NRXN2: variants seen among roughly 807,000 people sequenced by gnomAD.
NRXN2 encodes neurexin 2, also known as neurexin-2-beta.
NRXN2 carries 29 observed loss-of-function variants against 128.8 expected under a neutral mutation model. The observed-to-expected ratio is 0.23, with a 90% confidence interval of 0.17 to 0.31. The LOEUF (loss-of-function observed/expected upper bound fraction) is 0.31, where lower values mean the gene tolerates loss of function less well. Among genes scored for constraint, NRXN2 ranks in the 10% least tolerant of loss-of-function variants. The probability of loss-of-function intolerance (pLI) is 1.00; values close to 1 mark genes in which losing one functional copy is unlikely to be tolerated. For missense variants in NRXN2, 1,881 were observed against 2,452.6 expected (o/e 0.77, Z 4.92); for synonymous variants, 1,098 against 1,075.2 (o/e 1.02, Z -0.41).
At chr11:64,649,080 T>A (rs1377584696) in intron 15 of NRXN2, among the ~76,000 whole-genome samples, 173 bp from the exon 16 acceptor site, 1 of 152,014 alleles carries the variant, frequency 6.6e-6, no homozygotes, top group Non-Finnish European at 1.5e-5. Flanking sequence ...CCCAACACAC[T>A]TCTTCCTTCT....
chr11:64,607,164 G>C lies in NRXN2; in HGVS notation c.*32C>G. ...CCTCCTCCCGGGCCCTCCCAGGAGG[G>C]GCAGCTGGCAGTGGGGCGCAGTGCC... On this transcript the variant is annotated 3_prime_UTR_variant, in exon 23 of 23. Coordinates refer to ENST00000265459, the MANE Select transcript of NRXN2 (RefSeq NM_015080.4). 1 of 1,604,326 alleles carries C rather than the reference G, an allele frequency of 6.2e-7. No homozygotes were observed. The highest frequency in any genetic ancestry group is 8.5e-7 in the Non-Finnish European group (1 of 1,173,814).
chr11:64,674,845 C>T (rs1206934768), intron 7 of NRXN2, among the ~76,000 whole-genome samples: 2 of 152,212 alleles, frequency 1.3e-5, no homozygotes, highest in Non-Finnish European at 2.9e-5. Flanking sequence ...GTTTTCACTT[C>T]TATTACTCTA....
At position 64,685,684 on chromosome 11, in the gene NRXN2, C is replaced by T. The variant is rs756471307; in HGVS notation, c.1114G>A (p.Ala372Thr). The T allele has an allele frequency of 1.2e-5, 19 of 1,614,106 alleles. No homozygotes were observed. Among genetic ancestry groups the T allele is most frequent in the East Asian group, 4.5e-5 (2 of 44,886 alleles). ...EPVNGKFNDN[A>T]WHDVRVTRNL... ...CGGGTGACCCGGACGTCGTGCCAGGCGTTGTCGTTGAACTTGCCATTGACG... is the reference window on the plus strand; with the variant it reads ...CGGGTGACCCGGACGTCGTGCCAGGTGTTGTCGTTGAACTTGCCATTGACG... Residue 372 changes from alanine to threonine, a missense_variant, in exon 6 of 23, where the codon GCC becomes ACC. Physicochemically the swap from Ala to Thr is moderately conservative, Grantham distance 58. Transcript: ENST00000265459.
chr11:64,607,663 G>A lies in NRXN2; in HGVS notation c.4672C>T (p.Pro1558Ser). 4 of 1,527,428 alleles carry A rather than the reference G, an allele frequency of 2.6e-6. No homozygotes were observed. Among genetic ancestry groups the A allele is most frequent in the Non-Finnish European group, 3.5e-6 (4 of 1,134,610 alleles). The allele number at this position is 1,527,428 out of a possible 1,614,324, so 94.6% of individuals were successfully genotyped here. A position where few individuals can be genotyped will look rare whatever the true frequency, so the allele number is the denominator to read the frequency against. ...TTCATTTTGCCCGCCGGCAGGTTGG[G>A]GGCCGGGGCGGAGGGGGCAAACAGC... ...GVLFAPSAPA[P>S]NLPAGKMNHR... is the part of the protein sequence containing the mutation. The change falls in exon 23 of 23, where the codon CCC becomes TCC. Residue 1558 changes from proline to serine, a missense_variant. Physicochemically the swap from Pro to Ser is moderately conservative, Grantham distance 74 (BLOSUM62 -1). Transcript: ENST00000265459.
At chr11:64,647,520 C>G (rs1162883502) in intron 17 of NRXN2, among the ~76,000 whole-genome samples, 3 of 152,164 alleles carry the variant, frequency 2.0e-5, no homozygotes, top group Non-Finnish European at 4.4e-5. Context: ...ACCCTGCCCT[C>G]TCTGGGGAGG....
At position 64,632,467 on chromosome 11, in the gene NRXN2, C is replaced by A. The variant is rs1335420497; in HGVS notation, c.3586-1894G>T. 6.6e-6 allele frequency among the ~76,000 whole-genome samples: 1 copy of A among 152,218 alleles called. No individual in the cohort carries two copies. Among genetic ancestry groups the A allele is most frequent in the Non-Finnish European group, 1.5e-5 (1 of 68,038 alleles). ...TCTGCTCCCCACACACGGGAAGGAACAGTCGATCCTCCTCGGTACTATTGT... is the reference window on the plus strand; with the variant it reads ...TCTGCTCCCCACACACGGGAAGGAAAAGTCGATCCTCCTCGGTACTATTGT... On this transcript the variant is annotated intron_variant, in intron 18 of 22. Coordinates refer to ENST00000265459, the MANE Select transcript of NRXN2 (RefSeq NM_015080.4). This position sits in a 1 kb window ranked among gnomAD's most constrained non-coding sequence, Gnocchi z 4.2.
intron 7 of NRXN2, 188 bp downstream of exon 7, chr11:64,676,805 A>G: frequency 1.6e-6 from 1 of 625,890 alleles, no homozygotes; most frequent in Non-Finnish European, 2.9e-6. Flanking sequence ...GGACCAAAAA[A>G]GAAAGAAAAG....
At chr11:64,620,906 G>A (rs1292601221) in intron 21 of NRXN2, among the ~76,000 whole-genome samples, 4 of 151,406 alleles carry the variant, frequency 2.6e-5, no homozygotes, top group South Asian at 2.1e-4. Flanking sequence ...TTGCCATGAC[G>A]ACAAGAGAAG....
Position 64,648,096 on chromosome 11 carries a change from T to G in NRXN2, c.3403+123A>C. The stretch of plus-strand genomic sequence containing the variant: ...CCCCTGGGACTCTGCAGACAAGGGA[T>G]GAGAAGGAAGAAGCAGCACAGCTCC... On this transcript the variant is annotated intron_variant, in intron 17 of 22. Coordinates refer to ENST00000265459, the MANE Select transcript of NRXN2 (RefSeq NM_015080.4). This position sits in a 1 kb window ranked among gnomAD's most constrained non-coding sequence, Gnocchi z 4.1. 1 of 1,378,814 alleles carries G rather than the reference T, an allele frequency of 7.3e-7. No homozygotes were observed. The highest frequency in any genetic ancestry group is 1.0e-6 in the Non-Finnish European group (1 of 982,170). 85.4% of individuals were successfully genotyped at this position (1,378,814 alleles called of 1,614,324 possible).
intron 7 of NRXN2, among the ~76,000 whole-genome samples, chr11:64,670,906 C>G (rs998479868): frequency 6.6e-6 from 1 of 152,172 alleles, no homozygotes; most frequent in Non-Finnish European, 1.5e-5. Context: ...CAGCTGTGTC[C>G]TCCCTCACTG....
At chr11:64,700,702 C>T (rs2055217090) in intron 2 of NRXN2, among the ~76,000 whole-genome samples, 1 of 152,204 alleles carries the variant, frequency 6.6e-6, no homozygotes, top group Admixed American at 6.5e-5. Context: ...CAGCCTGACC[C>T]TCTTGGCAGA....
chr11:64,643,791 C>T (rs916527618), intron 17 of NRXN2, among the ~76,000 whole-genome samples: 3 of 151,944 alleles, frequency 2.0e-5, no homozygotes, highest in African/African-American at 7.2e-5. Context: ...GCTCCTCCTG[C>T]ACCCCCCTCC....
intron 22 of NRXN2, among the ~76,000 whole-genome samples, chr11:64,611,614 CAA>C (rs1360783277): frequency 2.0e-5 from 3 of 152,242 alleles, no homozygotes; most frequent in Non-Finnish European, 4.4e-5. Flanking sequence ...GGACCACAAA[CAA>C]GTCTTACCCA....
At position 64,607,648 on chromosome 11, in the gene NRXN2, C is replaced by T; in HGVS notation, c.4687G>A (p.Gly1563Ser). The T allele has an allele frequency of 1.3e-6, 2 of 1,510,558 alleles. No homozygotes were observed. Among genetic ancestry groups the T allele is most frequent in the Non-Finnish European group, 1.8e-6 (2 of 1,126,990 alleles). 93.6% of individuals were successfully genotyped at this position (1,510,558 alleles called of 1,614,324 possible). Residue 1563 changes from glycine to serine, a missense_variant, in exon 23 of 23, where the codon GGC becomes AGC. Coordinates refer to ENST00000265459, the MANE Select transcript of NRXN2 (RefSeq NM_015080.4). Reference protein sequence around the residue: ...PSAPAPNLPAGKMNHRDPLQP... With the variant: ...PSAPAPNLPASKMNHRDPLQP... ...AGCGGGTCTCGGTGGTTCATTTTGC[C>T]CGCCGGCAGGTTGGGGGCCGGGGCG...
intron 2 of NRXN2, among the ~76,000 whole-genome samples, chr11:64,705,782 C>T (rs1359799445): frequency 6.6e-6 from 1 of 151,190 alleles, no homozygotes. Flanking sequence ...CTCCTCTCAC[C>T]CCTCCACCAA....
At position 64,606,995 on chromosome 11, in the gene NRXN2, TGACGAGGCC is replaced by T. The variant is rs1339159764; in HGVS notation, c.*192_*200del. 7 of 605,336 alleles carry T rather than the reference TGACGAGGCC, an allele frequency of 1.2e-5. No homozygotes were observed. The highest frequency in any genetic ancestry group is 1.7e-5 in the Non-Finnish European group (6 of 346,508). 37.5% of individuals were successfully genotyped at this position (605,336 alleles called of 1,614,324 possible). A position where few individuals can be genotyped will look rare whatever the true frequency, so the allele number is the denominator to read the frequency against. On this transcript the variant is annotated 3_prime_UTR_variant, in exon 23 of 23. Coordinates refer to ENST00000265459, the MANE Select transcript of NRXN2 (RefSeq NM_015080.4). ...TGAGAGGGACAGTCAGCCCCGGGAC[TGACGAGGCC>T]GCGCAGTGGACGGCAGGAGGAAGGG...
chr11:64,685,731 G>A lies in NRXN2; in HGVS notation c.1067C>T (p.Ala356Val). ...GACGGGTTCCACAAGGGCCTCGAAG[G>A]CACCTGAGCCTAGGTTGATGACCAG... is the stretch of plus-strand genomic sequence containing the variant. ...VWLVINLGSG[A>V]FEALVEPVNG... The change falls in exon 6 of 23, where the codon GCC becomes GTC. Residue 356 changes from alanine to valine, a missense_variant. Around this residue, in one of 7 missense-constraint regions of NRXN2, gnomAD observed 997 missense variants for 1,240.8 expected, o/e 0.80. Transcript: ENST00000265459. 6.2e-7 allele frequency: 1 copy of A among 1,614,228 alleles called. No homozygotes were observed. Among genetic ancestry groups the A allele is most frequent in the South Asian group, 1.1e-5 (1 of 91,088 alleles).
At chr11:64,720,269 G>A (rs768124867) in intron 1 of NRXN2, among the ~76,000 whole-genome samples, 88 of 152,360 alleles carry the variant, frequency 5.8e-4, no homozygotes, top group Admixed American at 9.1e-4. Context: ...ATGAGTCTCC[G>A]AGAGCCCACA....
At chr11:64,634,280 G>T (rs1053910023) in intron 18 of NRXN2, among the ~76,000 whole-genome samples, 9 of 152,186 alleles carry the variant, frequency 5.9e-5, no homozygotes, top group Non-Finnish European at 1.5e-5. Flanking sequence ...GCTGTTAGGG[G>T]CCAGAAATGT....
Sources: gnomAD v4.1 joint callset for allele counts (sites outside exome capture counted in the v4.1 genomes callset) on GRCh38, gnomAD v4.1.1 for gene constraint, gnomAD v4.1.1 regional missense constraint, Gnocchi (gnomAD v3.1) non-coding constraint, MANE v1.5 for transcripts, NCBI Gene and HGNC (gene_info 2026-07-23, HGNC 2026-07-21) for gene names.